Variants in CHMP3 observed in about 807,000 individuals in gnomAD.
CHMP3 encodes the protein charged multivesicular body protein 3.
In CHMP3, 8 loss-of-function variants were observed where a neutral mutation model predicts 27.4. That is an observed-to-expected ratio of 0.29 (90% confidence interval 0.17 to 0.53). The LOEUF (loss-of-function observed/expected upper bound fraction) is 0.53, where lower values mean the gene tolerates loss of function less well. Ranked by LOEUF, CHMP3 falls within the 20% of genes least tolerant of loss-of-function variation. The pLI is 0.96. For missense variants in CHMP3, 208 were observed against 271.5 expected (o/e 0.77, Z 1.64); for synonymous variants, 86 against 85.5 (o/e 1.01, Z -0.03).
rs570444244 is a variant in CHMP3 at position 86,512,988 on chromosome 2, C to T, written c.287-2509G>A. ...CCAGACACACACCTACCATATGATC[C>T]AGCAAGTGTGCTCCTTGGTAGTTAT... is the stretch of plus-strand genomic sequence containing the variant. On this transcript the variant is annotated intron_variant, in intron 3 of 5. Coordinates refer to ENST00000263856, the MANE Select transcript of CHMP3 (RefSeq NM_016079.4). 2.0e-5 allele frequency among the ~76,000 whole-genome samples: 3 copies of T among 152,318 alleles called. No homozygotes were observed. The South Asian group carries it at 6.2e-4, about 32-fold the overall frequency.
intron 3 of CHMP3, chr2:86,510,715 T>C (rs1240094815): frequency 1.4e-5 from 6 of 433,800 alleles, no homozygotes; most frequent in Middle Eastern, 6.7e-4. Flanking sequence ...ATGACCAATC[T>C]GGAGAGTGGC....
chr2:86,526,284 A>G (rs1675706179), intron 3 of CHMP3, among the ~76,000 whole-genome samples: 1 of 152,230 alleles, frequency 6.6e-6, no homozygotes, highest in Admixed American at 6.5e-5. Flanking sequence ...ACAGGAAGAA[A>G]GGGCAAAGAA....
intron 4 of CHMP3, among the ~76,000 whole-genome samples, chr2:86,509,401 C>T (rs968990139): frequency 1.3e-5 from 2 of 152,158 alleles, no homozygotes; most frequent in Non-Finnish European, 2.9e-5. Flanking sequence ...ACAACCTGGG[C>T]CCTGGGCTTT....
intron 1 of CHMP3, among the ~76,000 whole-genome samples, chr2:86,550,957 T>C (rs918088260): frequency 6.6e-6 from 1 of 152,246 alleles, no homozygotes; most frequent in South Asian, 2.1e-4. Context: ...GATTTTGGTA[T>C]GGGCGGAGGG....
chr2:86,555,133 C>CCA (rs1677070718), intron 1 of CHMP3, among the ~76,000 whole-genome samples: 1 of 152,106 alleles, frequency 6.6e-6, no homozygotes, highest in Non-Finnish European at 1.5e-5. Flanking sequence ...CAGGCATGAG[C>CCA]CACCGCTCCC....
At position 86,516,911 on chromosome 2, in the gene CHMP3, G is replaced by A. The variant is rs547138221; in HGVS notation, c.287-6432C>T. Among the ~76,000 whole-genome samples, 20 of 152,274 alleles carry A rather than the reference G, an allele frequency of 1.3e-4. No homozygotes were observed. The South Asian group carries it at 3.1e-3, about 24-fold the overall frequency. Reference sequence around the variant, plus strand: ...TGTGGCTATACAAGGGCAACATGACGGATTCTTGTATTTATGGAAATGTTC... The same window carrying A: ...TGTGGCTATACAAGGGCAACATGACAGATTCTTGTATTTATGGAAATGTTC... On this transcript the variant is annotated intron_variant, in intron 3 of 5. Transcript: ENST00000263856.
chr2:86,529,791 A>T (rs112372357), intron 2 of CHMP3, among the ~76,000 whole-genome samples: 1 of 152,200 alleles, frequency 6.6e-6, no homozygotes, highest in Non-Finnish European at 1.5e-5. Flanking sequence ...TGAACATATT[A>T]TAAGTCTCAT....
rs1195918442 is a variant in CHMP3, at chr2:86,511,688, GTTGTA to G, written c.287-1214_287-1210del. On this transcript the variant is annotated intron_variant, in intron 3 of 5. Transcript: ENST00000263856. The stretch of plus-strand genomic sequence containing the variant: ...AGCCTGATGTCTACATGAGCCTGTA[GTTGTA>G]TTATTATTTTATAATTTGCATCCTG... 6.6e-5 allele frequency: 10 copies of G among 152,048 alleles called. No individual in the cohort carries two copies. The East Asian group carries it at 1.9e-3, about 29-fold the overall frequency. The allele number at this position is 152,048 out of a possible 1,614,324, so 9.4% of individuals were successfully genotyped here. A position where few individuals can be genotyped will look rare whatever the true frequency, so the allele number is the denominator to read the frequency against.
chr2:86,536,064 C>T (rs1304339842), intron 2 of CHMP3, among the ~76,000 whole-genome samples: 8 of 131,268 alleles, frequency 6.1e-5, no homozygotes, highest in African/African-American at 1.4e-4. Context: ...GGCGGGATCT[C>T]GGCTCACTGC....
At chr2:86,546,358 C>T (rs1252186506) in intron 1 of CHMP3, among the ~76,000 whole-genome samples, 4 of 67,668 alleles carry the variant, frequency 5.9e-5, no homozygotes, top group East Asian at 1.1e-3. Flanking sequence ...GAGGGAGACC[C>T]GAAGGGAGGG....
In CHMP3 at chr2:86,556,312, C is replaced by G. The variant is rs1490768313; in HGVS notation, c.45+6992G>C. 3.9e-5 allele frequency among the ~76,000 whole-genome samples: 6 copies of G among 152,160 alleles called. No individual in the cohort carries two copies. In the East Asian group the frequency reaches 9.6e-4, roughly 24 times the overall value. ...CTAAAATATACATAAAACTAGAAAT[C>G]AGCCAAAAGCAACAAATACAAGTGA... is the stretch of plus-strand genomic sequence containing the variant. On this transcript the variant is annotated intron_variant, in intron 1 of 5. Transcript: ENST00000263856.
intron 3 of CHMP3, among the ~76,000 whole-genome samples, chr2:86,518,822 A>G (rs1284691013): frequency 6.6e-6 from 1 of 152,222 alleles, no homozygotes; most frequent in Non-Finnish European, 1.5e-5. Flanking sequence ...AGCTACTGCA[A>G]CTGAGATAAA....
At chr2:86,529,133 G>A in intron 3 of CHMP3, 85 bp downstream of exon 3, 1 of 1,354,812 alleles carries the variant, frequency 7.4e-7, no homozygotes, top group Non-Finnish European at 9.7e-7. Flanking sequence ...AACCAGAGTT[G>A]AGTTTTTCCT....
rs1212501940 is a variant in CHMP3 at position 86,529,221 on chromosome 2, G to A, written c.283C>T (p.Leu95Phe). The A allele has an allele frequency of 6.2e-7, 1 of 1,605,336 alleles. No individual in the cohort carries two copies. The highest frequency in any genetic ancestry group is 1.7e-5 in the Admixed American group (1 of 58,204). The change falls in exon 3 of 6, where the codon CTC becomes TTC. Residue 95 changes from leucine (L) to phenylalanine (F), a missense_variant. Physicochemically the swap from Leu to Phe is conservative, Grantham distance 22. This residue lies in a region of CHMP3 where 94 missense variants were observed against 159.6 expected (regional missense o/e 0.59). Coordinates refer to ENST00000263856, the MANE Select transcript of CHMP3 (RefSeq NM_016079.4). ...TGTAAGGTAAGTGCAGCCTTACCGA[G>A]CTGGTTCTTCATCCCCATGAGCACT... ...NSVLMGMKNQ[L>F]AVLRVAGSLQ...
At chr2:86,514,005 C>T (rs1038384046) in intron 3 of CHMP3, among the ~76,000 whole-genome samples, 2 of 152,236 alleles carry the variant, frequency 1.3e-5, no homozygotes, top group Non-Finnish European at 2.9e-5. Flanking sequence ...TGTCAAAGAG[C>T]TTTGTAAACT....
In CHMP3 at chr2:86,535,408, T is replaced by G. The variant is rs373840345; in HGVS notation, c.107-6011A>C. Among the ~76,000 whole-genome samples the G allele has an allele frequency of 1.8e-4, 28 of 152,310 alleles. 4 individuals are homozygous for G. The highest frequency in any genetic ancestry group is 1.5e-3 in the East Asian group (8 of 5,188). ...CTTGATTTTTTTGGTTAATGAAATGTTTTTATTCCCTTCTTATTTCCTTTT... is the reference window on the plus strand; with the variant it reads ...CTTGATTTTTTTGGTTAATGAAATGGTTTTATTCCCTTCTTATTTCCTTTT... On this transcript the variant is annotated intron_variant, in intron 2 of 5. Transcript: ENST00000263856.
At chr2:86,555,192 G>T (rs911737338) in intron 1 of CHMP3, among the ~76,000 whole-genome samples, 44 of 152,224 alleles carry the variant, frequency 2.9e-4, no homozygotes, top group Non-Finnish European at 1.5e-5. Flanking sequence ...CAAACTCCAT[G>T]AAGTTAAAAT....
chr2:86,520,408 T>C (rs1183061560), intron 3 of CHMP3, among the ~76,000 whole-genome samples: 2 of 151,984 alleles, frequency 1.3e-5, no homozygotes, highest in African/African-American at 2.4e-5. Flanking sequence ...GGAGGTGCTA[T>C]ACACTTTCAA....
intron 3 of CHMP3, among the ~76,000 whole-genome samples, chr2:86,526,780 G>A (rs1169957404): frequency 6.6e-6 from 1 of 151,842 alleles, no homozygotes; most frequent in Non-Finnish European, 1.5e-5. Context: ...ATGTTTCCCA[G>A]GCTGGTTTTG....
Sources: gnomAD v4.1 joint callset for allele counts (sites outside exome capture counted in the v4.1 genomes callset) on GRCh38, gnomAD v4.1.1 for gene constraint, gnomAD v4.1.1 regional missense constraint, MANE v1.5 for transcripts, NCBI Gene and HGNC (gene_info 2026-07-23, HGNC 2026-07-21) for gene names.